The following DENND2B variants were observed in gnomAD, a reference collection of about 807,000 sequenced individuals.
DENND2B encodes the protein DENN domain containing 2B.
In DENND2B, 32 loss-of-function variants were observed where a neutral mutation model predicts 116.0. The observed-to-expected ratio is 0.28, with a 90% confidence interval of 0.21 to 0.37. DENND2B has a LOEUF of 0.37. Among genes scored for constraint, DENND2B ranks in the 10% least tolerant of loss-of-function variants. The probability of loss-of-function intolerance (pLI) is 1.00; values close to 1 mark genes in which losing one functional copy is unlikely to be tolerated. For synonymous variants in DENND2B, 588 were observed against 583.9 expected (o/e 1.01, Z -0.10); for missense variants, 1,276 against 1,477.7 (o/e 0.86, Z 2.24).
intron 1 of DENND2B, among the ~76,000 whole-genome samples, chr11:8,755,807 T>G (rs1352666085): frequency 6.6e-6 from 1 of 152,134 alleles, no homozygotes; most frequent in Non-Finnish European, 1.5e-5. Context: ...TAAGTCTATA[T>G]TAATAGCATA....
At chr11:8,879,438 G>T (rs1180338913) in intron 2 of DENND2B, among the ~76,000 whole-genome samples, 1 of 152,198 alleles carries the variant, frequency 6.6e-6, no homozygotes, top group Non-Finnish European at 1.5e-5. Flanking sequence ...GACTGATACA[G>T]GATCAGATCT....
chr11:8,717,105 ACCTGCCTCCTGACAT>A (rs1292600963), intron 5 of DENND2B, among the ~76,000 whole-genome samples: 3 of 152,198 alleles, frequency 2.0e-5, no homozygotes, highest in African/African-American at 7.2e-5. Context: ...AAGCCTCTCC[ACCTGCCTCCTGACAT>A]CCTGGACAAG....
At chr11:8,790,509 C>G (rs1240684519) in intron 1 of DENND2B, among the ~76,000 whole-genome samples, 2 of 152,148 alleles carry the variant, frequency 1.3e-5, no homozygotes, top group Non-Finnish European at 2.9e-5. Context: ...TGGCTCACAC[C>G]TGTAATCCCA....
At chr11:8,838,401 C>T (rs2062509274) in intron 4 of DENND2B, among the ~76,000 whole-genome samples, 1 of 152,224 alleles carries the variant, frequency 6.6e-6, no homozygotes, top group African/African-American at 2.4e-5. Context: ...AACTCACGTC[C>T]ACCGCTCCTT....
intron 3 of DENND2B, among the ~76,000 whole-genome samples, chr11:8,852,386 T>G (rs2063039603): frequency 6.6e-6 from 1 of 152,132 alleles, no homozygotes. Context: ...TCCCAACACT[T>G]TGGGAGGCCA....
upstream of DENND2B, among the ~76,000 whole-genome samples, chr11:8,812,333 T>TA (rs2061416671): frequency 1.3e-5 from 2 of 152,096 alleles, no homozygotes. Flanking sequence ...CTCTAAGATG[T>TA]AAAACGTCCT....
At chr11:8,855,500 C>T (rs1166015424) in intron 3 of DENND2B, among the ~76,000 whole-genome samples, 1 of 151,420 alleles carries the variant, frequency 6.6e-6, no homozygotes, top group Non-Finnish European at 1.5e-5. Flanking sequence ...GAAAACAAGA[C>T]ACCAAGCCCC....
At chr11:8,714,525 C>T in intron 7 of DENND2B, 85 bp downstream of exon 7, 3 of 1,169,024 alleles carry the variant, frequency 2.6e-6, no homozygotes, top group South Asian at 1.3e-5. Context: ...CAGGGCTCTA[C>T]CCTCCACAGG....
At chr11:8,823,349 A>T (rs367935694) in intron 4 of DENND2B, among the ~76,000 whole-genome samples, 2 of 152,218 alleles carry the variant, frequency 1.3e-5, no homozygotes, top group South Asian at 4.1e-4. Flanking sequence ...ATCTGCATCA[A>T]CCAGGAAGAG....
intron 1 of DENND2B, chr11:8,776,154 G>GCACACACACACACA (rs753898926): frequency 6.9e-6 from 2 of 288,848 alleles, no homozygotes; most frequent in Non-Finnish European, 1.4e-5. Context: ...GCGCACGCGC[G>GCACACACACACACA]CGCGCGCACA....
At chr11:8,865,528 A>G (rs938877646) in intron 2 of DENND2B, among the ~76,000 whole-genome samples, 3 of 152,032 alleles carry the variant, frequency 2.0e-5, no homozygotes, top group Non-Finnish European at 1.5e-5. Flanking sequence ...GAAGGGAAGG[A>G]AAGGATGGGT....
intron 13 of DENND2B, among the ~76,000 whole-genome samples, chr11:8,704,453 C>A (rs765746918): frequency 6.6e-6 from 1 of 152,208 alleles, no homozygotes. Context: ...CATGATGCTG[C>A]GCTATAAGGG....
chr11:8,793,456 C>T (rs1020040369), intron 1 of DENND2B, among the ~76,000 whole-genome samples: 3 of 152,142 alleles, frequency 2.0e-5, no homozygotes, highest in African/African-American at 7.2e-5. Flanking sequence ...CTTTTATATA[C>T]GGCTTATTTC....
intron 3 of DENND2B, among the ~76,000 whole-genome samples, chr11:8,851,422 G>A (rs2063003118): frequency 6.6e-6 from 1 of 152,084 alleles, no homozygotes; most frequent in Non-Finnish European, 1.5e-5. Context: ...TCCAAGAAAT[G>A]GAAATTAAAA....
intron 1 of DENND2B, among the ~76,000 whole-genome samples, chr11:8,889,946 C>G (rs1484495307): frequency 3.3e-5 from 5 of 152,230 alleles, no homozygotes; most frequent in Non-Finnish European, 5.9e-5. Context: ...ACTGCCTCCT[C>G]AAGTGGATCC....
chr11:8,826,294 A>G (rs550948550), intron 4 of DENND2B, among the ~76,000 whole-genome samples: 4 of 152,252 alleles, frequency 2.6e-5, no homozygotes, highest in African/African-American at 9.6e-5. Flanking sequence ...AATCCAAACA[A>G]TTCTGACCCA....
intron 4 of DENND2B, among the ~76,000 whole-genome samples, chr11:8,722,231 TC>T (rs915283714): frequency 6.6e-6 from 1 of 152,134 alleles, no homozygotes; most frequent in Admixed American, 6.5e-5. Context: ...CAGCAAACCC[TC>T]CACAACCCCC....
At chr11:8,752,171 A>G (rs2052633693) in intron 1 of DENND2B, among the ~76,000 whole-genome samples, 2 of 152,180 alleles carry the variant, frequency 1.3e-5, no homozygotes, top group African/African-American at 4.8e-5. Context: ...AGCAAGGTTG[A>G]GCCGGGCGTG....
chr11:8,728,139 G>C (rs1174418649), intron 3 of DENND2B, among the ~76,000 whole-genome samples: 1 of 152,012 alleles, frequency 6.6e-6, no homozygotes, highest in Non-Finnish European at 1.5e-5. Context: ...AAGTAGCTGA[G>C]ACTGCAGGCA....
Sources: gnomAD v4.1 joint callset for allele counts (sites outside exome capture counted in the v4.1 genomes callset) on GRCh38, gnomAD v4.1.1 for gene constraint, MANE v1.5 for transcripts, NCBI Gene and HGNC (gene_info 2026-07-23, HGNC 2026-07-21) for gene names.